SVEP1: variants seen among roughly 807,000 people sequenced by gnomAD.
SVEP1 encodes sushi, von Willebrand factor type A, EGF and pentraxin domain containing 1.
Under a neutral mutation model 367.3 loss-of-function variants are expected in SVEP1, and 164 were observed. That is an observed-to-expected ratio of 0.45 (90% CI 0.39 to 0.51). The LOEUF (loss-of-function observed/expected upper bound fraction) is 0.51, where lower values mean the gene tolerates loss of function less well. Ranked by LOEUF, SVEP1 falls within the 20% of genes least tolerant of loss-of-function variation. The pLI is 0.00. For missense variants in SVEP1, 4,117 were observed against 4,425.3 expected, an observed-to-expected ratio of 0.93 and a Z score of 1.98; for synonymous variants, 1,666 against 1,611.6, an observed-to-expected ratio of 1.03 and a Z score of -0.81.
chr9:110,572,699 T>C (rs535052182), intron 1 of SVEP1, among the ~76,000 whole-genome samples: 1 of 138,494 alleles, frequency 7.2e-6, no homozygotes, highest in Non-Finnish European at 1.5e-5. Flanking sequence ...TTGTCTCTAC[T>C]AAAAATACAA....
At chr9:110,536,549 T>G (rs1447114299) in intron 3 of SVEP1, among the ~76,000 whole-genome samples, 1 of 151,920 alleles carries the variant, frequency 6.6e-6, no homozygotes, top group Non-Finnish European at 1.5e-5. Flanking sequence ...TTGCATTTCA[T>G]TTTTCAAAAG....
intron 3 of SVEP1, among the ~76,000 whole-genome samples, chr9:110,530,841 T>G (rs1283427375): frequency 1.3e-5 from 2 of 152,174 alleles, no homozygotes; most frequent in Non-Finnish European, 2.9e-5. Flanking sequence ...CCAGTCTTTA[T>G]TCATATATCA....
chr9:110,513,848 T>C, intron 4 of SVEP1, 100 bp downstream of exon 4: 2 of 1,344,890 alleles, frequency 1.5e-6, no homozygotes, highest in South Asian at 3.0e-5. Flanking sequence ...GAAAAGAACA[T>C]TAAAGATCAT....
chr9:110,388,544 C>T (rs1827562005), intron 41 of SVEP1, among the ~76,000 whole-genome samples: 1 of 152,156 alleles, frequency 6.6e-6, no homozygotes, highest in South Asian at 2.1e-4. Context: ...CCAAACAATT[C>T]AAATGTGAAC....
chr9:110,407,318 C>G lies in SVEP1; in HGVS notation c.8282G>C (p.Arg2761Thr). The G allele has an allele frequency of 6.2e-7, 1 of 1,614,004 alleles. No homozygotes were observed. Among genetic ancestry groups the G allele is most frequent in the Non-Finnish European group, 8.5e-7 (1 of 1,179,890 alleles). ...GSDLRLCLEN[R>T]KWSGASPRCE... Reference sequence around the variant, plus strand: ...GCGTGGGGAGGCACCACTCCACTTTCTATTCTCTAGACAAAGCCTTAAGTC... The same window carrying G: ...GCGTGGGGAGGCACCACTCCACTTTGTATTCTCTAGACAAAGCCTTAAGTC... Residue 2761 changes from arginine (R) to threonine (T), a missense_variant, in exon 38 of 48, where the codon AGA (arginine) becomes ACA (threonine). Arg to Thr is a moderately conservative substitution (Grantham distance 71, BLOSUM62 -1). Transcript: ENST00000374469.
intron 1 of SVEP1, among the ~76,000 whole-genome samples, chr9:110,569,456 C>CAAA (rs11368565): frequency 0.36 from 42,232 of 116,240 alleles, 7,191 homozygotes; most frequent in African/African-American, 0.45. Flanking sequence ...AACTCAGTCT[C>CAAA]AAAAAAAAAA....
chr9:110,387,672 T>C (rs2255007), intron 41 of SVEP1, among the ~76,000 whole-genome samples: 14,001 of 152,264 alleles, frequency 0.092, 1,111 homozygotes, highest in East Asian at 0.4. Flanking sequence ...GTTAGTCTTA[T>C]TGACTCCAGC....
intron 5 of SVEP1, among the ~76,000 whole-genome samples, chr9:110,512,365 AT>A (rs999776898): frequency 2.5e-3 from 362 of 143,136 alleles, no homozygotes; most frequent in Middle Eastern, 7.4e-3. Flanking sequence ...TTGAGGCACT[AT>A]TTTTTTTTTT....
intron 1 of SVEP1, among the ~76,000 whole-genome samples, chr9:110,557,010 C>T (rs1830364625): frequency 6.6e-6 from 1 of 152,174 alleles, no homozygotes. Flanking sequence ...CCATAAGCTA[C>T]TTGTAATACT....
intron 9 of SVEP1, among the ~76,000 whole-genome samples, chr9:110,484,826 T>A (rs773890587): frequency 6.6e-5 from 10 of 151,510 alleles, no homozygotes; most frequent in South Asian, 4.2e-4. Flanking sequence ...AACAAACATA[T>A]GAAAAAAAGC....
In SVEP1 at chr9:110,407,703, A is replaced by G; in HGVS notation, c.7897T>C (p.Tyr2633His). Residue 2633 changes from tyrosine to histidine, a missense_variant, in exon 38 of 48, where the codon TAT (tyrosine) becomes CAT (histidine). This residue lies in a region of SVEP1 where 1,765 missense variants were observed against 1,781.1 expected (regional missense o/e 0.99). Coordinates refer to ENST00000374469, the MANE Select transcript of SVEP1 (RefSeq NM_153366.4). ...DCTKLKDDQG[Y>H]FEQEDDMMEV... Reference sequence around the variant, plus strand: ...ATCATGTCGTCTTCTTGCTCAAAATATCCCTGGTCATCTTTGAGTTTAGTA... The same window carrying G: ...ATCATGTCGTCTTCTTGCTCAAAATGTCCCTGGTCATCTTTGAGTTTAGTA... 2 of 1,614,012 alleles carry G rather than the reference A, an allele frequency of 1.2e-6. No homozygotes were observed. Among genetic ancestry groups the G allele is most frequent in the Non-Finnish European group, 1.7e-6 (2 of 1,179,890 alleles).
At chr9:110,574,188 A>T (rs1488063271) in intron 1 of SVEP1, among the ~76,000 whole-genome samples, 1 of 152,238 alleles carries the variant, frequency 6.6e-6, no homozygotes, top group Non-Finnish European at 1.5e-5. Flanking sequence ...CGCGGTTTTT[A>T]TACAAGAGGA....
At position 110,408,834 on chromosome 9, in the gene SVEP1, G is replaced by C. The variant is rs535494842; in HGVS notation, c.6766C>G (p.Pro2256Ala). ...CAGTCGAGAGGAACACACATCAGAG[G>C]GGATTCACTGTGCCAGTGGCGATTG... ...QANRHWHSES[P>A]LMCVPLDCGK... is the part of the protein sequence containing the mutation. The change falls in exon 38 of 48, where the codon CCT (proline) becomes GCT (alanine). Residue 2256 changes from proline (P) to alanine (A), a missense_variant. By Grantham distance (27) the Pro-to-Ala change is conservative. This residue lies in a region of SVEP1 where 1,765 missense variants were observed against 1,781.1 expected (regional missense o/e 0.99). Coordinates refer to ENST00000374469, the MANE Select transcript of SVEP1 (RefSeq NM_153366.4). The C allele has an allele frequency of 3.1e-6, 5 of 1,613,220 alleles. No homozygotes were observed. Among genetic ancestry groups the C allele is most frequent in the East Asian group, 2.2e-5 (1 of 44,868 alleles).
intron 43 of SVEP1, among the ~76,000 whole-genome samples, chr9:110,379,916 A>G (rs1998973): frequency 0.066 from 10,003 of 152,284 alleles, 363 homozygotes; most frequent in Non-Finnish European, 0.085. Flanking sequence ...TAATTGTAGT[A>G]CTGCATATTG....
intron 17 of SVEP1, among the ~76,000 whole-genome samples, chr9:110,466,387 A>G (rs1828936860): frequency 6.6e-6 from 1 of 152,172 alleles, no homozygotes; most frequent in Non-Finnish European, 1.5e-5. Flanking sequence ...CAATACGTAC[A>G]CTGTTATCCT....
intron 19 of SVEP1, 66 bp from the exon 20 acceptor site, chr9:110,458,628 C>T (rs973648640): frequency 1.4e-6 from 2 of 1,438,076 alleles, no homozygotes; most frequent in Non-Finnish European, 1.9e-6. Context: ...ATATCTAACA[C>T]TATGGTCAAG....
Position 110,564,508 on chromosome 9 carries a change from A to G in SVEP1, c.532-14404T>C, listed in dbSNP as rs1588110713. 2.0e-5 allele frequency among the ~76,000 whole-genome samples: 3 copies of G among 152,314 alleles called. No homozygotes were observed. The South Asian group carries it at 6.2e-4, about 32-fold the overall frequency. On this transcript the variant is annotated intron_variant, in intron 1 of 47. Coordinates refer to ENST00000374469, the MANE Select transcript of SVEP1 (RefSeq NM_153366.4). Reference sequence around the variant, plus strand: ...TCAAATCTGACACAAGAGGGGTGCAAAGGAGTGGAGGTTGAAGAGAGATTT... The same window carrying G: ...TCAAATCTGACACAAGAGGGGTGCAGAGGAGTGGAGGTTGAAGAGAGATTT...
At position 110,390,761 on chromosome 9, in the gene SVEP1, T is replaced by C. The variant is rs547014018; in HGVS notation, c.9823-1174A>G. Among the ~76,000 whole-genome samples, 8 of 152,088 alleles carry C rather than the reference T, an allele frequency of 5.3e-5. No homozygotes were observed. The South Asian group carries it at 1.2e-3, about 24-fold the overall frequency. On this transcript the variant is annotated intron_variant, in intron 40 of 47. Transcript: ENST00000374469. ...GCCCCAGACTCAACCCACAGAAATA[T>C]TGAATTAATTAGTCTGATGTGAGAA... is the stretch of plus-strand genomic sequence containing the variant.
intron 3 of SVEP1, among the ~76,000 whole-genome samples, chr9:110,524,540 T>C (rs956178388): frequency 6.6e-6 from 1 of 152,016 alleles, no homozygotes; most frequent in African/African-American, 2.4e-5. Flanking sequence ...GTTAACAATA[T>C]TAACAGGCTA....
Sources: gnomAD v4.1 joint callset for allele counts (sites outside exome capture counted in the v4.1 genomes callset) on GRCh38, gnomAD v4.1.1 for gene constraint, gnomAD v4.1.1 regional missense constraint, MANE v1.5 for transcripts, NCBI Gene and HGNC (gene_info 2026-07-23, HGNC 2026-07-21) for gene names.